The following ALDH3A1 variants were observed in gnomAD, a reference collection of about 807,000 sequenced individuals.
ALDH3A1 encodes the protein aldehyde dehydrogenase, dimeric NADP-preferring.
Under a neutral mutation model 49.9 loss-of-function variants are expected in ALDH3A1, and 46 were observed. The observed-to-expected ratio is 0.92, with a 90% CI of 0.73 to 1.18. The LOEUF is 1.18. Among genes scored for constraint, ALDH3A1 ranks in the 50% most tolerant of loss-of-function variants. The probability of loss-of-function intolerance (pLI) is 0.00; values close to 1 mark genes in which losing one functional copy is unlikely to be tolerated. For missense variants in ALDH3A1, 592 were observed against 611.8 expected (o/e 0.97, Z 0.34); for synonymous variants, 269 against 253.3 (o/e 1.06, Z -0.59).
At chr17:19,747,155 A>G (rs1026028311) in intron 1 of ALDH3A1, among the ~76,000 whole-genome samples, 1 of 152,190 alleles carries the variant, frequency 6.6e-6, no homozygotes, top group African/African-American at 2.4e-5. Context: ...TGTAATATAT[A>G]ATTATATTGT....
Position 19,743,794 on chromosome 17 carries a change from A to AATGGATCCGGGGAGGGGGGG in ALDH3A1, c.163-351_163-332dup. On this transcript the variant is annotated intron_variant, in intron 2 of 10. Coordinates refer to ENST00000225740, the MANE Select transcript of ALDH3A1 (RefSeq NM_000691.5). This position sits in a 1 kb window ranked among gnomAD's most constrained non-coding sequence, Gnocchi z 4.4. ...GGGGAGAGTAGATTCAGGCAGTGGG[A>AATGGATCCGGGGAGGGGGGG]ATGGATCCGGGGAGGGGGGGATGGA... The AATGGATCCGGGGAGGGGGGG allele has an allele frequency of 2.3e-6, 2 of 885,950 alleles. No homozygotes were observed. The highest frequency in any genetic ancestry group is 2.7e-6 in the Non-Finnish European group (2 of 748,802). 54.9% of individuals were successfully genotyped at this position (885,950 alleles called of 1,614,324 possible).
chr17:19,741,900 G>A (rs2086498854), intron 5 of ALDH3A1, 104 bp downstream of exon 5: 1 of 1,126,938 alleles, frequency 8.9e-7, no homozygotes, highest in Non-Finnish European at 1.3e-6. Context: ...ATGAGGCAGG[G>A]GGTGTCTGTG....
chr17:19,740,234 A>T, intron 7 of ALDH3A1, 102 bp downstream of exon 7: 6 of 1,510,026 alleles, frequency 4.0e-6, no homozygotes, highest in Non-Finnish European at 5.4e-6. Flanking sequence ...ACCCATCCCG[A>T]GGTCGTGTCC....
chr17:19,744,558 CG>C lies in ALDH3A1; in HGVS notation c.162+409del, dbSNP rs2086562596. On this transcript the variant is annotated intron_variant, in intron 2 of 10. Transcript: ENST00000225740. ...GTCTGGTCTTGCTCAGGGTGAGGGA[CG>C]GAACAGCCCCTGTGAGAACTGGGAG... The C allele has an allele frequency of 6.1e-6, 6 of 985,416 alleles. No individual in the cohort carries two copies. In the South Asian group the frequency reaches 1.4e-4, roughly 23 times the overall value. The allele number at this position is 985,416 out of a possible 1,614,324, so 61.0% of individuals were successfully genotyped here.
rs2086544936 is a variant in ALDH3A1, at chr17:19,743,661, C to G, written c.163-198G>C. 3 of 985,244 alleles carry G rather than the reference C, an allele frequency of 3.0e-6. No individual in the cohort carries two copies. The South Asian group carries it at 1.4e-4, about 46-fold the overall frequency. The allele number at this position is 985,244 out of a possible 1,614,324, so 61.0% of individuals were successfully genotyped here. Reference sequence around the variant, plus strand: ...CCTGTGGGTCTGAGAGGACCCCTTTCTGCCAGAGGGGGGCCCAGGTAGGTT... The same window carrying G: ...CCTGTGGGTCTGAGAGGACCCCTTTGTGCCAGAGGGGGGCCCAGGTAGGTT... On this transcript the variant is annotated intron_variant, in intron 2 of 10. Transcript: ENST00000225740. This position sits in a 1 kb window ranked among gnomAD's most constrained non-coding sequence, Gnocchi z 4.4.
At chr17:19,739,181 G>A in intron 8 of ALDH3A1, 86 bp from the exon 9 acceptor site, 1 of 1,220,958 alleles carries the variant, frequency 8.2e-7, no homozygotes, top group Non-Finnish European at 1.2e-6. Flanking sequence ...GTATAGCCTG[G>A]AGCCACAAGG....
Position 19,745,073 on chromosome 17 carries a change from C to G in ALDH3A1, c.57G>C (p.Arg19Ser), listed in dbSNP as rs2086575964. The G allele has an allele frequency of 6.3e-7, 1 of 1,594,756 alleles. No homozygotes were observed. The highest frequency in any genetic ancestry group is 1.7e-5 in the Admixed American group (1 of 59,768). ...GGATCCGGAACTGCAGCGGACGGGTCCTGCCCGAGCTGAAGGCGGCGCGGG... is the reference window on the plus strand; with the variant it reads ...GGATCCGGAACTGCAGCGGACGGGTGCTGCCCGAGCTGAAGGCGGCGCGGG... ...KRARAAFSSG[R>S]TRPLQFRIQQ... The change falls in exon 2 of 11, where the codon AGG becomes AGC. Residue 19 changes from arginine (R) to serine (S), a missense_variant. Transcript: ENST00000225740.
At chr17:19,745,364 T>C (rs1053682757) in intron 1 of ALDH3A1, 137 of 498,072 alleles carry the variant, frequency 2.8e-4, no homozygotes, top group Admixed American at 1.2e-3. Context: ...GCAACCCGAG[T>C]CCTAAGCCGA....
rs567741792 is a variant in ALDH3A1, at chr17:19,742,141, G to A, written c.552C>T (p.Ile184=). The A allele has an allele frequency of 1.9e-6, 3 of 1,614,072 alleles. No homozygotes were observed. Among genetic ancestry groups the A allele is most frequent in the Non-Finnish European group, 2.5e-6 (3 of 1,180,018 alleles). The part of the protein sequence containing the change: ...TELLKERFDH[I]LYTGSTGVGK... ...CCACCCCCGTGCTGCCCGTGTACAG[G>A]ATATGGTCGAACCTCTCCTTGAGCA... The change falls in exon 5 of 11, where the codon ATC becomes ATT. Residue 184 remains isoleucine (I), a synonymous_variant. Coordinates refer to ENST00000225740, the MANE Select transcript of ALDH3A1 (RefSeq NM_000691.5).
intron 1 of ALDH3A1, among the ~76,000 whole-genome samples, chr17:19,746,756 C>T (rs1361072693): frequency 2.0e-5 from 3 of 151,826 alleles, no homozygotes; most frequent in South Asian, 2.1e-4. Flanking sequence ...TGGGCGTGCA[C>T]GCTCTAACAT....
chr17:19,739,689 A>G lies in ALDH3A1; in HGVS notation c.950-15T>C, dbSNP rs762887533. On this transcript the variant is annotated splice_polypyrimidine_tract_variant and intron_variant, in intron 7 of 10. Transcript: ENST00000225740. ...GATGGTGGGGGCTGAGGCAGGAAAC[A>G]AGCCAGAGTTGGACGGCGCAGAGAC... The G allele has an allele frequency of 1.9e-6, 3 of 1,612,952 alleles. No homozygotes were observed. Among genetic ancestry groups the G allele is most frequent in the South Asian group, 1.1e-5 (1 of 90,914 alleles).
chr17:19,743,527 G>A lies in ALDH3A1; in HGVS notation c.163-64C>T. ...GCCCGCCTGCAGCTGGGGCGAGTGG[G>A]GAGCCCCACTGCTCAGCTGCCAGGG... On this transcript the variant is annotated intron_variant, in intron 2 of 10. Transcript: ENST00000225740. The surrounding 1 kb of genome is among the most constrained non-coding windows in gnomAD (Gnocchi z 4.4). The A allele has an allele frequency of 4.6e-6, 7 of 1,528,600 alleles. No individual in the cohort carries two copies. The South Asian group carries it at 6.5e-5, about 14-fold the overall frequency. 94.7% of individuals were successfully genotyped at this position (1,528,600 alleles called of 1,614,324 possible).
chr17:19,742,516 G>A (rs372199210), intron 4 of ALDH3A1, 29 bp downstream of exon 4: 1 of 1,603,342 alleles, frequency 6.2e-7, no homozygotes, highest in Admixed American at 1.7e-5. Flanking sequence ...TGAGGCCATG[G>A]AGTTACGAGG....
intron 3 of ALDH3A1, 104 bp from the exon 4 acceptor site, chr17:19,742,734 G>A (rs747202757): frequency 4.4e-6 from 7 of 1,580,936 alleles, no homozygotes; most frequent in Non-Finnish European, 6.0e-6. Context: ...GTGTCCTCGG[G>A]ACAGTGGATG....
chr17:19,747,718 C>T (rs2086618396), intron 1 of ALDH3A1, among the ~76,000 whole-genome samples: 1 of 152,166 alleles, frequency 6.6e-6, no homozygotes, highest in Non-Finnish European at 1.5e-5. Flanking sequence ...CATTCCTGCA[C>T]CCCGCTCCTC....
chr17:19,742,445 G>A, intron 4 of ALDH3A1, 100 bp downstream of exon 4: 1 of 1,359,282 alleles, frequency 7.4e-7, no homozygotes. Context: ...CAGTAGCTTG[G>A]CCCCTTGCTG....
chr17:19,743,764 G>A lies in ALDH3A1; in HGVS notation c.163-301C>T, dbSNP rs1001794550. 2.1e-5 allele frequency: 21 copies of A among 984,544 alleles called. No individual in the cohort carries two copies. Among genetic ancestry groups the A allele is most frequent in the East Asian group, 1.1e-4 (1 of 8,766 alleles). The allele number at this position is 984,544 out of a possible 1,614,324, so 61.0% of individuals were successfully genotyped here. A position where few individuals can be genotyped will look rare whatever the true frequency, so the allele number is the denominator to read the frequency against. On this transcript the variant is annotated intron_variant, in intron 2 of 10. Coordinates refer to ENST00000225740, the MANE Select transcript of ALDH3A1 (RefSeq NM_000691.5). This position sits in a 1 kb window ranked among gnomAD's most constrained non-coding sequence, Gnocchi z 4.4. ...GGATCCAGGTAGGGGGAATAGAGCC[G>A]GGCAGGGGAGAGTAGATTCAGGCAG...
At chr17:19,745,734 G>C (rs2086587298) in intron 1 of ALDH3A1, 1 of 152,272 alleles carries the variant, frequency 6.6e-6, no homozygotes. Flanking sequence ...AAGAGGTGTG[G>C]AGGCGATTCC....
At position 19,742,218 on chromosome 17, in the gene ALDH3A1, A is replaced by T; in HGVS notation, c.481-6T>A. The T allele has an allele frequency of 6.2e-7, 1 of 1,613,514 alleles. No homozygotes were observed. The highest frequency in any genetic ancestry group is 1.3e-5 in the African/African-American group (1 of 75,008). Reference sequence around the variant, plus strand: ...TTGATTACTGGGTACAGATCCTTCCATGCAAGGAGAGAGGGGAGGCTCAGC... The same window carrying T: ...TTGATTACTGGGTACAGATCCTTCCTTGCAAGGAGAGAGGGGAGGCTCAGC... On this transcript the variant is annotated splice_polypyrimidine_tract_variant and splice_region_variant and intron_variant, in intron 4 of 10. Coordinates refer to ENST00000225740, the MANE Select transcript of ALDH3A1 (RefSeq NM_000691.5).
Sources: allele counts gnomAD v4.1 joint callset (sites outside exome capture counted in the v4.1 genomes callset), GRCh38; gene constraint gnomAD v4.1.1; non-coding constraint Gnocchi (gnomAD v3.1); transcripts MANE v1.5; gene names NCBI Gene and HGNC (gene_info 2026-07-23, HGNC 2026-07-21).